Variants in MAGT1 observed in about 807,000 individuals in gnomAD.
The protein encoded by MAGT1 is dolichyl-diphosphooligosaccharide--protein glycosyltransferase subunit MAGT1.
Under a neutral mutation model 28.4 loss-of-function variants are expected in MAGT1, and 4 were observed. The ratio of observed to expected loss-of-function variants is 0.14; its 90% CI spans 0.07 to 0.32. The LOEUF is 0.32. MAGT1 is among the 10% of genes least tolerant of loss of function. The pLI is 1.00. For missense variants in MAGT1, 193 were observed against 264.5 expected, an observed-to-expected ratio of 0.73 and a Z score of 1.88; for synonymous variants, 89 against 89.7, an observed-to-expected ratio of 0.99 and a Z score of 0.04.
At position 77,866,528 on chromosome X, in the gene MAGT1, T is replaced by C. The variant is rs2077009195; in HGVS notation, c.390+4280A>G. Among the ~76,000 whole-genome samples the C allele has an allele frequency of 3.0e-5, 2 of 66,757 alleles. 1 individual carries two copies. Among genetic ancestry groups the C allele is most frequent in the Middle Eastern group, 0.015 (2 of 134 alleles). The allele number at this position is 66,757 out of a possible 115,157, so 58.0% of individuals were successfully genotyped here. On this transcript the variant is annotated intron_variant, in intron 3 of 9. Transcript: ENST00000618282. ...AGGATATTTGTATATCTTTGGAAGATAGTTGAAATGGCCTTCGCAAAATTA... is the reference window on the plus strand; with the variant it reads ...AGGATATTTGTATATCTTTGGAAGACAGTTGAAATGGCCTTCGCAAAATTA...
intron 7 of MAGT1, among the ~76,000 whole-genome samples, chrX:77,842,910 C>T (rs1429756564): frequency 8.9e-6 from 1 of 111,940 alleles, no homozygotes; most frequent in African/African-American, 3.2e-5. Context: ...TGCATAAATA[C>T]AAAATACAAC....
At chrX:77,830,751 C>T (rs1420811774) in intron 9 of MAGT1, 54 bp downstream of exon 9, 1 of 664,783 alleles carries the variant, frequency 1.5e-6, no homozygotes, top group African/African-American at 2.2e-5. Context: ...AATATCAACT[C>T]TAATCATTCC....
chrX:77,847,813 T>C (rs1245563837), intron 7 of MAGT1, among the ~76,000 whole-genome samples: 1 of 110,168 alleles, frequency 9.1e-6, no homozygotes, highest in Non-Finnish European at 1.9e-5. Flanking sequence ...GGTTTACCCA[T>C]GTTGGCTAGG....
At chrX:77,876,164 A>ATATATATATATATAT (rs1557217807) in intron 1 of MAGT1, among the ~76,000 whole-genome samples, 1 of 24,975 alleles carries the variant, frequency 4.0e-5, no homozygotes, top group African/African-American at 1.5e-4. Context: ...ATATATATAT[A>ATATATATATATATAT]TTTTTTTTTT....
At chrX:77,876,737 G>T (rs1420116739) in intron 1 of MAGT1, among the ~76,000 whole-genome samples, 2 of 111,770 alleles carry the variant, frequency 1.8e-5, no homozygotes, top group Non-Finnish European at 3.8e-5. Flanking sequence ...TAACTCAGCC[G>T]GGCATGGTGA....
chrX:77,870,975 G>A (rs1557217291), intron 2 of MAGT1, 50 bp from the exon 3 acceptor site: 1 of 917,676 alleles, frequency 1.1e-6, no homozygotes, highest in Admixed American at 2.2e-5. Context: ...ATTTTTGAAA[G>A]CAATCTCGTT....
In MAGT1 at chrX:77,830,846, C is replaced by A; in HGVS notation, c.951G>T (p.Met317Ile). Reference protein sequence around the residue: ...IGLVVLFFSWMLSIFRSKYHG... With the variant: ...IGLVVLFFSWILSIFRSKYHG... ...GATATTTAGATCTAAAAATAGAGAG[C>A]ATCCAACTGAAGAATAATACAACAA... The change falls in exon 9 of 10, where the codon ATG becomes ATT. Residue 317 changes from methionine to isoleucine, a missense_variant. Physicochemically the swap from Met to Ile is conservative, Grantham distance 10. Coordinates refer to ENST00000618282, the MANE Select transcript of MAGT1 (RefSeq NM_001367916.1). 8.6e-7 allele frequency: 1 copy of A among 1,159,703 alleles called. No individual in the cohort carries two copies. The highest frequency in any genetic ancestry group is 1.2e-6 in the Non-Finnish European group (1 of 862,197).
intron 1 of MAGT1, among the ~76,000 whole-genome samples, chrX:77,888,096 G>A (rs1160163350): frequency 8.9e-6 from 1 of 111,806 alleles, no homozygotes; most frequent in Non-Finnish European, 1.9e-5. Context: ...AGGCATGATC[G>A]ACTGTGCCCG....
rs2076882274 is a variant in MAGT1, at chrX:77,826,051, AG to A, written c.*3168del. Among the ~76,000 whole-genome samples the A allele has an allele frequency of 1.8e-5, 2 of 112,503 alleles. No individual in the cohort carries two copies. Among genetic ancestry groups the A allele is most frequent in the Admixed American group, 1.9e-4 (2 of 10,531 alleles). On this transcript the variant is annotated 3_prime_UTR_variant, in exon 10 of 10. Transcript: ENST00000618282. ...TTTTATTATCAAAAGGAAATTACCT[AG>A]TCAAGGAATGTTCACTGTCTGGGAC...
chrX:77,881,438 C>A (rs1269082933), intron 1 of MAGT1, among the ~76,000 whole-genome samples: 1 of 88,796 alleles, frequency 1.1e-5, no homozygotes, highest in Non-Finnish European at 2.2e-5. Flanking sequence ...CAACAGGCCC[C>A]GGTGTGTGAT....
At chrX:77,878,896 T>C (rs1180446186) in intron 1 of MAGT1, among the ~76,000 whole-genome samples, 1 of 109,810 alleles carries the variant, frequency 9.1e-6, no homozygotes, top group Non-Finnish European at 1.9e-5. Flanking sequence ...CCTATAGAAA[T>C]GAAAATTTAT....
intron 3 of MAGT1, among the ~76,000 whole-genome samples, chrX:77,860,774 T>C (rs1557216413): frequency 8.9e-6 from 1 of 111,864 alleles, no homozygotes; most frequent in Non-Finnish European, 1.9e-5. Context: ...AGAGTGAGAC[T>C]CTGTCTCAAG....
intron 1 of MAGT1, among the ~76,000 whole-genome samples, chrX:77,879,999 C>T (rs1173738422): frequency 6.7e-5 from 7 of 105,193 alleles, no homozygotes; most frequent in South Asian, 4.6e-4. Context: ...CTACCACCCC[C>T]GGCTAATTTT....
chrX:77,847,332 A>G (rs2076954666), intron 7 of MAGT1, among the ~76,000 whole-genome samples: 1 of 111,799 alleles, frequency 8.9e-6, no homozygotes, highest in Non-Finnish European at 1.9e-5. Flanking sequence ...GCCATCTGTC[A>G]CCCCTTTCCT....
intron 1 of MAGT1, among the ~76,000 whole-genome samples, chrX:77,891,692 G>A (rs1169788134): frequency 9.0e-6 from 1 of 111,674 alleles, no homozygotes. Context: ...CACTTTAGGA[G>A]GTCAAAGCAG....
rs2077072804 is a variant in MAGT1 at position 77,888,299 on chromosome X, A to G, written c.102+7010T>C. On this transcript the variant is annotated intron_variant, in intron 1 of 9. Coordinates refer to ENST00000618282, the MANE Select transcript of MAGT1 (RefSeq NM_001367916.1). ...CATTAGTCTATTTTCTACCATTCAAATAAAACAAAAATAGCAATAATACTC... is the reference window on the plus strand; with the variant it reads ...CATTAGTCTATTTTCTACCATTCAAGTAAAACAAAAATAGCAATAATACTC... Among the ~76,000 whole-genome samples, 3 of 111,532 alleles carry G rather than the reference A, an allele frequency of 2.7e-5. No individual in the cohort carries two copies. The Admixed American group carries it at 2.9e-4, about 11-fold the overall frequency.
chrX:77,852,882 G>A lies in MAGT1; in HGVS notation c.826+1019C>T, dbSNP rs1239388200. On this transcript the variant is annotated intron_variant, in intron 7 of 9. Coordinates refer to ENST00000618282, the MANE Select transcript of MAGT1 (RefSeq NM_001367916.1). ...AAAAGTGCTAGGATTACAGGTGTGA[G>A]CCACCATGCCCAGCTGATTCTTGTA... 4.5e-5 allele frequency among the ~76,000 whole-genome samples: 5 copies of A among 111,865 alleles called. No individual in the cohort carries two copies. In the Admixed American group the frequency reaches 4.8e-4, roughly 11 times the overall value.
In MAGT1 at chrX:77,832,189, G is replaced by A. The variant is rs181344182; in HGVS notation, c.902-1294C>T. Among the ~76,000 whole-genome samples the A allele has an allele frequency of 7.2e-5, 8 of 111,447 alleles. No homozygotes were observed. The East Asian group carries it at 1.7e-3, about 24-fold the overall frequency. Reference sequence around the variant, plus strand: ...ACTACAAATACTAATCCCCAAATGCGCAAGTATGGATTGTCATGATGTGAA... The same window carrying A: ...ACTACAAATACTAATCCCCAAATGCACAAGTATGGATTGTCATGATGTGAA... On this transcript the variant is annotated intron_variant, in intron 8 of 9. Transcript: ENST00000618282.
intron 3 of MAGT1, among the ~76,000 whole-genome samples, chrX:77,862,988 G>A (rs895989822): frequency 1.8e-5 from 2 of 109,672 alleles, no homozygotes; most frequent in African/African-American, 6.6e-5. Flanking sequence ...CCAACATGGT[G>A]AAACCCTGTC....
Sources: allele counts gnomAD v4.1 joint callset (sites outside exome capture counted in the v4.1 genomes callset), GRCh38; gene constraint gnomAD v4.1.1; transcripts MANE v1.5; gene names NCBI Gene and HGNC (gene_info 2026-07-23, HGNC 2026-07-21).